FAM135B: variants seen among roughly 807,000 people sequenced by gnomAD.
FAM135B encodes the protein family with sequence similarity 135 member B, also known as protein FAM135B.
Under a neutral mutation model 127.7 loss-of-function variants are expected in FAM135B, and 43 were observed. The ratio of observed to expected loss-of-function variants is 0.34; its 90% CI spans 0.26 to 0.43. The LOEUF is 0.43. Ranked by LOEUF, FAM135B falls within the 20% of genes least tolerant of loss-of-function variation. The probability of loss-of-function intolerance (pLI) is 1.00; values close to 1 mark genes in which losing one functional copy is unlikely to be tolerated. For missense variants in FAM135B, 1,558 were observed against 1,725.6 expected (o/e 0.90, Z 1.72); for synonymous variants, 670 against 665.1 (o/e 1.01, Z -0.11).
chr8:138,411,065 G>C (rs10103761), intron 1 of FAM135B, among the ~76,000 whole-genome samples: 5,680 of 84,362 alleles, frequency 0.067, 410 homozygotes, highest in African/African-American at 0.11. Context: ...CCATACTGCC[G>C]AAGGTAATTT....
chr8:138,493,707 C>T (rs934241711), intron 1 of FAM135B, among the ~76,000 whole-genome samples: 25 of 152,092 alleles, frequency 1.6e-4, no homozygotes, highest in South Asian at 6.2e-4. Context: ...TTTTCTAGGA[C>T]GAAAATTAAG....
chr8:138,312,459 T>C (rs1826762567), intron 2 of FAM135B, among the ~76,000 whole-genome samples: 1 of 152,144 alleles, frequency 6.6e-6, no homozygotes, highest in South Asian at 2.1e-4. Context: ...GGCTTCTGCA[T>C]TTCCTGTTTC....
chr8:138,220,728 A>G (rs1818966386), intron 7 of FAM135B, among the ~76,000 whole-genome samples: 1 of 152,182 alleles, frequency 6.6e-6, no homozygotes, highest in Non-Finnish European at 1.5e-5. Context: ...CCCCCCAACT[A>G]TTTCGAGTCC....
Position 138,449,837 on chromosome 8 carries a change from G to A in FAM135B, c.-20+46834C>T, listed in dbSNP as rs147941344. On this transcript the variant is annotated intron_variant, in intron 1 of 19. Coordinates refer to ENST00000395297, the MANE Select transcript of FAM135B (RefSeq NM_015912.4). ...ACACATCATAATCCTCCAAAGTTCC[G>A]AGTTCACATTAGGATTCATTCTTCA... 4.6e-5 allele frequency among the ~76,000 whole-genome samples: 7 copies of A among 152,194 alleles called. No homozygotes were observed. The East Asian group carries it at 9.7e-4, about 21-fold the overall frequency.
chr8:138,226,498 T>C (rs1466299673), intron 7 of FAM135B, among the ~76,000 whole-genome samples: 1 of 152,172 alleles, frequency 6.6e-6, no homozygotes, highest in Non-Finnish European at 1.5e-5. Context: ...AGGAAGTGTG[T>C]GCAGCATGTG....
chr8:138,469,560 C>A (rs1485057010), intron 1 of FAM135B, among the ~76,000 whole-genome samples: 1 of 152,132 alleles, frequency 6.6e-6, no homozygotes, highest in African/African-American at 2.4e-5. Context: ...TCACCTATTA[C>A]AACTGGACAA....
intron 7 of FAM135B, among the ~76,000 whole-genome samples, chr8:138,222,287 G>T (rs776342051): frequency 6.6e-6 from 1 of 152,116 alleles, no homozygotes; most frequent in African/African-American, 2.4e-5. Flanking sequence ...GACAGAAAGG[G>T]GGTTGAATGG....
chr8:138,273,076 G>A (rs1054347251), intron 3 of FAM135B, among the ~76,000 whole-genome samples: 2 of 152,220 alleles, frequency 1.3e-5, no homozygotes, highest in African/African-American at 4.8e-5. Flanking sequence ...GACAAATGGA[G>A]TGAATAAACA....
At chr8:138,494,457 C>A (rs746377563) in intron 1 of FAM135B, among the ~76,000 whole-genome samples, 8 of 152,124 alleles carry the variant, frequency 5.3e-5, no homozygotes, top group Non-Finnish European at 1.2e-4. Flanking sequence ...CAAAGGAGGT[C>A]CAGAGTGTTG....
At chr8:138,446,904 C>T (rs1261935193) in intron 1 of FAM135B, among the ~76,000 whole-genome samples, 1 of 152,082 alleles carries the variant, frequency 6.6e-6, no homozygotes, top group African/African-American at 2.4e-5. Flanking sequence ...GCAATCTACT[C>T]ATCTGACAAA....
At chr8:138,146,361 T>C (rs1250966929) in intron 14 of FAM135B, among the ~76,000 whole-genome samples, 1 of 152,068 alleles carries the variant, frequency 6.6e-6, no homozygotes, top group African/African-American at 2.4e-5. Flanking sequence ...CTCCCCTTCT[T>C]CCACAGCAAA....
chr8:138,483,596 G>A (rs1355102461), intron 1 of FAM135B, among the ~76,000 whole-genome samples: 2 of 152,140 alleles, frequency 1.3e-5, no homozygotes, highest in Non-Finnish European at 2.9e-5. Flanking sequence ...GACAGGAGAG[G>A]CAATAATATC....
At chr8:138,168,750 G>A (rs1035594758) in intron 11 of FAM135B, among the ~76,000 whole-genome samples, 9 of 152,208 alleles carry the variant, frequency 5.9e-5, no homozygotes, top group Non-Finnish European at 1.2e-4. Flanking sequence ...AGTTTCTACA[G>A]TAGGGGAAGA....
intron 14 of FAM135B, 37 bp downstream of exon 14, chr8:138,148,483 G>T: frequency 6.4e-7 from 1 of 1,565,944 alleles, no homozygotes; most frequent in South Asian, 1.1e-5. Context: ...TTGTATATAT[G>T]ACAGAATTTG....
At chr8:138,192,577 A>T (rs1816230602) in intron 9 of FAM135B, among the ~76,000 whole-genome samples, 1 of 112,686 alleles carries the variant, frequency 8.9e-6, no homozygotes, top group Non-Finnish European at 2.0e-5. Context: ...ATCAGTTGGT[A>T]TCACCCAGAT....
At chr8:138,260,057 C>A (rs913094070) in intron 4 of FAM135B, among the ~76,000 whole-genome samples, 1 of 152,144 alleles carries the variant, frequency 6.6e-6, no homozygotes, top group Non-Finnish European at 1.5e-5. Context: ...TCTTACTAAC[C>A]TGTTTACTTA....
intron 1 of FAM135B, among the ~76,000 whole-genome samples, chr8:138,372,276 C>T (rs778220737): frequency 2.0e-5 from 3 of 152,192 alleles, no homozygotes; most frequent in Non-Finnish European, 4.4e-5. Context: ...CTGCCTGGTC[C>T]TCACTCAGGC....
intron 3 of FAM135B, among the ~76,000 whole-genome samples, chr8:138,300,516 C>T (rs191291599): frequency 6.6e-6 from 1 of 152,212 alleles, no homozygotes; most frequent in East Asian, 1.9e-4. Context: ...CTGCAAAGGT[C>T]CTCAAAGATG....
intron 3 of FAM135B, among the ~76,000 whole-genome samples, chr8:138,289,715 C>T (rs1336317061): frequency 1.3e-5 from 2 of 152,224 alleles, no homozygotes; most frequent in East Asian, 1.9e-4. Context: ...GCTGAGCCCC[C>T]TAAAGCCACC....
Sources: gnomAD v4.1 joint callset for allele counts (sites outside exome capture counted in the v4.1 genomes callset) on GRCh38, gnomAD v4.1.1 for gene constraint, MANE v1.5 for transcripts, NCBI Gene and HGNC (gene_info 2026-07-23, HGNC 2026-07-21) for gene names.